Variants in NCKAP5 observed in about 807,000 individuals in gnomAD.
The protein encoded by NCKAP5 is NCK associated protein 5.
NCKAP5 carries 92 observed loss-of-function variants against 167.0 expected under a neutral mutation model. That is an observed-to-expected ratio of 0.55 (90% confidence interval 0.47 to 0.66). NCKAP5 has a LOEUF of 0.66. Ranked by LOEUF, NCKAP5 falls within the 30% of genes least tolerant of loss-of-function variation. NCKAP5 has a pLI of 0.00. For synonymous variants in NCKAP5, 891 were observed against 877.4 expected (o/e 1.02, Z -0.27); for missense variants, 2,378 against 2,315.0 (o/e 1.03, Z -0.56).
intron 6 of NCKAP5, among the ~76,000 whole-genome samples, chr2:133,002,923 T>C (rs1045874052): frequency 6.6e-6 from 1 of 152,216 alleles, no homozygotes; most frequent in Non-Finnish European, 1.5e-5. Flanking sequence ...GTCAGAGAAG[T>C]AGATACAGTG....
chr2:133,173,385 T>C (rs1210006327), intron 5 of NCKAP5, among the ~76,000 whole-genome samples: 1 of 152,198 alleles, frequency 6.6e-6, no homozygotes, highest in Non-Finnish European at 1.5e-5. Context: ...TGAACTTTTA[T>C]CAATGAAGCC....
intron 6 of NCKAP5, among the ~76,000 whole-genome samples, chr2:133,043,700 T>G (rs1430839593): frequency 1.3e-5 from 2 of 152,148 alleles, no homozygotes; most frequent in African/African-American, 2.4e-5. Context: ...CCTTTAAGCT[T>G]CTCACAGGAT....
At chr2:132,802,809 TA>T (rs1685142921) in intron 11 of NCKAP5, among the ~76,000 whole-genome samples, 1 of 152,168 alleles carries the variant, frequency 6.6e-6, no homozygotes, top group African/African-American at 2.4e-5. Context: ...TGATCTTCCA[TA>T]AAAACCCCAA....
chr2:132,917,187 C>A (rs1245263570), intron 8 of NCKAP5, among the ~76,000 whole-genome samples: 3 of 152,196 alleles, frequency 2.0e-5, no homozygotes, highest in African/African-American at 7.2e-5. Context: ...GTAATCTACT[C>A]TTGATCTGCC....
At chr2:133,604,927 C>T in the NCKAP5 span, among the ~76,000 whole-genome samples, 162 of 152,306 alleles carry the variant, frequency 1.1e-3, no homozygotes, top group African/African-American at 3.1e-3. Flanking sequence ...ATCATGGCCC[C>T]GTCTCTTTTG....
intron 3 of NCKAP5, among the ~76,000 whole-genome samples, chr2:133,426,627 T>G (rs1025009306): frequency 1.3e-5 from 2 of 152,118 alleles, no homozygotes; most frequent in African/African-American, 4.8e-5. Context: ...TCAAAAAGAT[T>G]ATACCTTGTG....
chr2:133,277,992 A>G (rs1050555977), intron 4 of NCKAP5, among the ~76,000 whole-genome samples: 7 of 152,144 alleles, frequency 4.6e-5, no homozygotes, highest in African/African-American at 1.7e-4. Context: ...AAATAAATAG[A>G]TCCAGGATCT....
intron 11 of NCKAP5, among the ~76,000 whole-genome samples, chr2:132,847,666 A>C (rs1256762782): frequency 6.6e-6 from 1 of 150,554 alleles, no homozygotes; most frequent in Non-Finnish European, 1.5e-5. Context: ...ATTTTCCGTG[A>C]ACACCTTCAA....
At position 133,379,862 on chromosome 2, in the gene NCKAP5, A is replaced by C. The variant is rs573260542; in HGVS notation, c.70-76752T>G. ...GTAAGATATTCTGTGAGAAGTAAAT[A>C]ATAAAAATTGGGATTTATAGTCAGA... is the stretch of plus-strand genomic sequence containing the variant. On this transcript the variant is annotated intron_variant, in intron 3 of 19. Coordinates refer to ENST00000409261, the MANE Select transcript of NCKAP5 (RefSeq NM_207363.3). 6.6e-5 allele frequency among the ~76,000 whole-genome samples: 10 copies of C among 152,354 alleles called. No individual in the cohort carries two copies. In the South Asian group the frequency reaches 2.1e-3, roughly 32 times the overall value.
intron 11 of NCKAP5, among the ~76,000 whole-genome samples, chr2:132,846,630 T>C (rs1688684530): frequency 6.6e-6 from 1 of 152,206 alleles, no homozygotes; most frequent in Admixed American, 6.5e-5. Context: ...TAACATTCAA[T>C]GACTTCTTCC....
chr2:133,412,014 G>A (rs979738105), intron 3 of NCKAP5, among the ~76,000 whole-genome samples: 3 of 152,134 alleles, frequency 2.0e-5, no homozygotes, highest in Non-Finnish European at 4.4e-5. Flanking sequence ...AAATGAAGGG[G>A]AGGAGGCAGC....
At chr2:133,366,430 G>A (rs1189343628) in intron 3 of NCKAP5, among the ~76,000 whole-genome samples, 1 of 152,100 alleles carries the variant, frequency 6.6e-6, no homozygotes. Flanking sequence ...AACCTCCCGA[G>A]TAGCTGGGAT....
upstream of NCKAP5, among the ~76,000 whole-genome samples, chr2:133,570,671 GAAGTTTT>G (rs1429350222): frequency 1.3e-5 from 2 of 152,170 alleles, no homozygotes; most frequent in Non-Finnish European, 2.9e-5. Flanking sequence ...TTTGACAAAT[GAAGTTTT>G]AAGGTAAGAC....
rs533383636 is a variant in NCKAP5, at chr2:133,190,958, A to G, written c.207+22758T>C. Among the ~76,000 whole-genome samples, 15 of 152,300 alleles carry G rather than the reference A, an allele frequency of 9.8e-5. No individual in the cohort carries two copies. In the South Asian group the frequency reaches 1.0e-3, roughly 11 times the overall value. ...AACTAAAGAGCTTCTGCACAGCAAA[A>G]GAAACTACCATCAGAGTGAACAGGC... On this transcript the variant is annotated intron_variant, in intron 5 of 19. Coordinates refer to ENST00000409261, the MANE Select transcript of NCKAP5 (RefSeq NM_207363.3).
chr2:133,371,700 G>C (rs1685815672), intron 3 of NCKAP5, among the ~76,000 whole-genome samples: 1 of 152,138 alleles, frequency 6.6e-6, no homozygotes, highest in Non-Finnish European at 1.5e-5. Context: ...GTTCTCACTA[G>C]CTTGTGGTTT....
chr2:133,132,770 A>G (rs1345076239), intron 5 of NCKAP5, among the ~76,000 whole-genome samples: 2 of 148,610 alleles, frequency 1.3e-5, no homozygotes, highest in Non-Finnish European at 3.0e-5. Flanking sequence ...TCCGCCTCCC[A>G]GGTTCACACT....
chr2:133,119,022 A>C (rs907323246), intron 6 of NCKAP5: 1 of 152,198 alleles, frequency 6.6e-6, no homozygotes, highest in African/African-American at 2.4e-5. Flanking sequence ...TGTTTTTGAG[A>C]CGGAGTTTCC....
intron 3 of NCKAP5, among the ~76,000 whole-genome samples, chr2:133,434,240 T>G (rs1342204980): frequency 6.6e-6 from 1 of 152,230 alleles, no homozygotes; most frequent in Admixed American, 6.5e-5. Flanking sequence ...TGATGCTTGA[T>G]AGCAACATAA....
chr2:133,619,674 C>T, the NCKAP5 span, among the ~76,000 whole-genome samples: 1 of 152,018 alleles, frequency 6.6e-6, no homozygotes, highest in African/African-American at 2.4e-5. Context: ...ATTTGAAAAA[C>T]ATTTTTGAGG....
Sources: allele counts gnomAD v4.1 joint callset (sites outside exome capture counted in the v4.1 genomes callset), GRCh38; gene constraint gnomAD v4.1.1; transcripts MANE v1.5; gene names NCBI Gene and HGNC (gene_info 2026-07-23, HGNC 2026-07-21).